MED13: variants seen among roughly 807,000 people sequenced by gnomAD.
The protein encoded by MED13 is mediator complex subunit 13, also known as mediator of RNA polymerase II transcription subunit 13.
MED13 carries 23 observed loss-of-function variants against 225.2 expected under a neutral mutation model. The ratio of observed to expected loss-of-function variants is 0.10; its 90% CI spans 0.07 to 0.14. The LOEUF (loss-of-function observed/expected upper bound fraction) is 0.14, where lower values mean the gene tolerates loss of function less well. Among genes scored for constraint, MED13 ranks in the 10% least tolerant of loss-of-function variants. The pLI, the probability that MED13 is intolerant of heterozygous loss-of-function variation, is 1.00. For synonymous variants in MED13, 942 were observed against 889.2 expected, an observed-to-expected ratio of 1.06 and a Z score of -1.06; for missense variants, 2,197 against 2,594.5, an observed-to-expected ratio of 0.85 and a Z score of 3.33.
intron 10 of MED13, among the ~76,000 whole-genome samples, chr17:61,994,023 G>A (rs959330851): frequency 2.7e-5 from 4 of 149,398 alleles, no homozygotes; most frequent in Admixed American, 6.6e-5. Context: ...TTTTTTAAAC[G>A]GAGTATTGCT....
intron 8 of MED13, among the ~76,000 whole-genome samples, chr17:62,023,693 G>A (rs1356465337): frequency 6.6e-6 from 1 of 152,166 alleles, no homozygotes; most frequent in Non-Finnish European, 1.5e-5. Context: ...AAATGGATTT[G>A]AGAGCGAGCT....
intron 13 of MED13, 36 bp downstream of exon 13, chr17:61,984,964 G>C: frequency 6.2e-7 from 1 of 1,603,962 alleles, no homozygotes; most frequent in Non-Finnish European, 8.5e-7. Context: ...TTAAAAGTTC[G>C]CAAATTTATC....
chr17:62,009,885 A>G (rs1360663746), intron 9 of MED13, among the ~76,000 whole-genome samples: 3 of 152,210 alleles, frequency 2.0e-5, no homozygotes, highest in East Asian at 1.9e-4. Context: ...ATTAAAATGA[A>G]TAACTAGAGC....
intron 8 of MED13, among the ~76,000 whole-genome samples, chr17:62,027,784 C>T (rs1448606179): frequency 6.6e-6 from 1 of 152,248 alleles, no homozygotes; most frequent in East Asian, 1.9e-4. Flanking sequence ...CAAAAGAAGA[C>T]ATATGTGCAG....
chr17:61,963,062 C>CT, intron 20 of MED13, 91 bp from the exon 21 acceptor site: 1 of 1,020,376 alleles, frequency 9.8e-7, no homozygotes. Context: ...CCTCCTCCCT[C>CT]TTTTTTGGTG....
At chr17:62,044,722 G>A (rs763675413) in intron 3 of MED13, among the ~76,000 whole-genome samples, 13 of 152,208 alleles carry the variant, frequency 8.5e-5, no homozygotes, top group Non-Finnish European at 1.8e-4. Flanking sequence ...GAGTGCAGTG[G>A]CACGATCTCT....
chr17:61,984,297 T>C lies in MED13; in HGVS notation c.2762A>G (p.Lys921Arg). 6.2e-7 allele frequency: 1 copy of C among 1,610,618 alleles called. No homozygotes were observed. The highest frequency in any genetic ancestry group is 1.1e-5 in the South Asian group (1 of 90,506). Reference sequence around the variant, plus strand: ...GGGCAGATATTGGCTTGGTAGAGTTTTTAGAGGTGCAAACATGGAACATCC... The same window carrying C: ...GGGCAGATATTGGCTTGGTAGAGTTCTTAGAGGTGCAAACATGGAACATCC... ...LVGCSMFAPL[K>R]TLPSQYLPPI... Residue 921 changes from lysine to arginine, a missense_variant, in exon 15 of 30, where the codon AAA becomes AGA. Around this residue, in one of 12 missense-constraint regions of MED13, gnomAD observed 160 missense variants for 184.8 expected, o/e 0.87. Transcript: ENST00000397786.
At chr17:62,004,600 G>A (rs1214607859) in intron 9 of MED13, 1 of 152,164 alleles carries the variant, frequency 6.6e-6, no homozygotes, top group African/African-American at 2.4e-5. Flanking sequence ...ATACCAGTAG[G>A]TAACATGGGT....
intron 1 of MED13, among the ~76,000 whole-genome samples, chr17:62,064,838 C>CA (rs1337279159): frequency 1.3e-5 from 2 of 152,140 alleles, no homozygotes; most frequent in African/African-American, 4.8e-5. Flanking sequence ...TTAAGCAAGA[C>CA]AAGAGGGAAA....
intron 16 of MED13, 93 bp downstream of exon 16, chr17:61,982,105 T>C (rs573417759): frequency 9.0e-6 from 11 of 1,224,636 alleles, no homozygotes; most frequent in Non-Finnish European, 1.1e-5. Flanking sequence ...TAAATGTATT[T>C]GCCACATGGG....
At chr17:62,013,868 G>A (rs370042905) in intron 8 of MED13, among the ~76,000 whole-genome samples, 5 of 151,928 alleles carry the variant, frequency 3.3e-5, no homozygotes, top group African/African-American at 9.7e-5. Context: ...GTGAAACCCC[G>A]TCTCCACTAA....
intron 3 of MED13, among the ~76,000 whole-genome samples, chr17:62,043,044 T>A (rs927569117): frequency 2.0e-5 from 3 of 148,124 alleles, no homozygotes; most frequent in Admixed American, 6.8e-5. Context: ...AAGTCCTGAG[T>A]ATTTGGGAGG....
At position 62,010,135 on chromosome 17, in the gene MED13, T is replaced by A. The variant is rs559957077; in HGVS notation, c.1967+415A>T. Reference sequence around the variant, plus strand: ...TACTCGGGAGGCTGAGGCAGGAGGGTCGCTTGAACCCAGAGGCGGAAATTT... The same window carrying A: ...TACTCGGGAGGCTGAGGCAGGAGGGACGCTTGAACCCAGAGGCGGAAATTT... On this transcript the variant is annotated intron_variant, in intron 9 of 29. Transcript: ENST00000397786. 1.4e-4 allele frequency among the ~76,000 whole-genome samples: 21 copies of A among 150,828 alleles called. No individual in the cohort carries two copies. In the South Asian group the frequency reaches 4.2e-3, roughly 30 times the overall value.
In MED13 at chr17:61,962,743, C is replaced by T. The variant is rs775020048; in HGVS notation, c.5064+9G>A. 12 of 1,609,390 alleles carry T rather than the reference C, an allele frequency of 7.5e-6. No individual in the cohort carries two copies. Among genetic ancestry groups the T allele is most frequent in the Non-Finnish European group, 1.0e-5 (12 of 1,175,870 alleles). On this transcript the variant is annotated intron_variant, in intron 21 of 29. Transcript: ENST00000397786. ...CATAATTTTAACTCACAACATCTAT[C>T]ACTCTTACCTGTACAGAAACAGTAC...
rs143019644 is a variant in MED13, at chr17:62,000,101, A to G, written c.1968-4736T>C. 8.5e-5 allele frequency among the ~76,000 whole-genome samples: 13 copies of G among 152,168 alleles called. No individual in the cohort carries two copies. The East Asian group carries it at 2.5e-3, about 29-fold the overall frequency. Reference sequence around the variant, plus strand: ...AGAAAAAATAAAAATCAAGAGTATTAATTTCTTTCACTAACCCACTACTAT... The same window carrying G: ...AGAAAAAATAAAAATCAAGAGTATTGATTTCTTTCACTAACCCACTACTAT... On this transcript the variant is annotated intron_variant, in intron 9 of 29. Transcript: ENST00000397786.
chr17:61,995,476 C>A (rs1227857402), intron 9 of MED13, 111 bp from the exon 10 acceptor site: 3 of 657,302 alleles, frequency 4.6e-6, no homozygotes, highest in Non-Finnish European at 7.2e-6. Flanking sequence ...ATCTAACCTA[C>A]AATCCCTTAT....
rs375338731 is a variant in MED13 at position 62,022,588 on chromosome 17, A to C, written c.1283+6953T>G. On this transcript the variant is annotated intron_variant, in intron 8 of 29. Coordinates refer to ENST00000397786, the MANE Select transcript of MED13 (RefSeq NM_005121.3). Reference sequence around the variant, plus strand: ...CCTCCCAAACTGCTGGGATTACAGGAATGAGCCACCACACCCAGCCACAGG... The same window carrying C: ...CCTCCCAAACTGCTGGGATTACAGGCATGAGCCACCACACCCAGCCACAGG... Among the ~76,000 whole-genome samples, 963 of 152,180 alleles carry C rather than the reference A, an allele frequency of 6.3e-3. 9 individuals carry two copies. Among genetic ancestry groups the C allele is most frequent in the African/African-American group, 0.022 (910 of 41,524 alleles).
At chr17:62,016,279 G>A (rs570418076) in intron 8 of MED13, among the ~76,000 whole-genome samples, 85 of 150,958 alleles carry the variant, frequency 5.6e-4, no homozygotes, top group African/African-American at 1.9e-3. Context: ...GCCGCGATTA[G>A]CGCTCACTAC....
chr17:61,946,415 CGA>C lies in MED13; in HGVS notation c.*51_*52del. 6.3e-7 allele frequency: 1 copy of C among 1,582,646 alleles called. No homozygotes were observed. The highest frequency in any genetic ancestry group is 8.6e-7 in the Non-Finnish European group (1 of 1,157,490). On this transcript the variant is annotated 3_prime_UTR_variant, in exon 30 of 30. Transcript: ENST00000397786. ...AGATAATTGTAACTTAATCCTGCAG[CGA>C]AACATCCATTTTTCCTTGTTCTTTT...
Sources: allele counts gnomAD v4.1 joint callset (sites outside exome capture counted in the v4.1 genomes callset), GRCh38; gene constraint gnomAD v4.1.1; regional missense constraint gnomAD v4.1.1; transcripts MANE v1.5; gene names NCBI Gene and HGNC (gene_info 2026-07-23, HGNC 2026-07-21).